The following OPA1 variants were observed in gnomAD, a reference collection of about 807,000 sequenced individuals.
The protein encoded by OPA1 is dynamin-like GTPase OPA1, mitochondrial.
OPA1 carries 59 observed loss-of-function variants against 152.9 expected under a neutral mutation model. The ratio of observed to expected loss-of-function variants is 0.39; its 90% confidence interval spans 0.31 to 0.48. The LOEUF (loss-of-function observed/expected upper bound fraction) is 0.48, where lower values mean the gene tolerates loss of function less well. Ranked by LOEUF, OPA1 falls within the 20% of genes least tolerant of loss-of-function variation. The pLI is 0.96. For missense variants in OPA1, 1,008 were observed against 1,216.8 expected (o/e 0.83, Z 2.55); for synonymous variants, 400 against 389.9 (o/e 1.03, Z -0.31).
intron 16 of OPA1, 126 bp downstream of exon 16, chr3:193,644,231 T>C: frequency 8.5e-7 from 1 of 1,170,908 alleles, no homozygotes; most frequent in Non-Finnish European, 1.2e-6. Context: ...TTTATTACAA[T>C]GAAAGGATAA....
chr3:193,646,766 C>G (rs1353529245), intron 18 of OPA1, among the ~76,000 whole-genome samples: 3 of 151,902 alleles, frequency 2.0e-5, no homozygotes. Flanking sequence ...GTGCAAGATT[C>G]CAATTCAAAA....
rs1397255802 is a variant in OPA1, at chr3:193,662,818, A to T, written c.2521-4A>T. The T allele has an allele frequency of 1.7e-5, 28 of 1,612,202 alleles. No homozygotes were observed. The highest frequency in any genetic ancestry group is 2.4e-5 in the Non-Finnish European group (28 of 1,178,688). ...AACACAGTCCTTTTTTAAACATTTTAAAGTGTGTTCACAATGAAACCAAGA... is the reference window on the plus strand; with the variant it reads ...AACACAGTCCTTTTTTAAACATTTTTAAGTGTGTTCACAATGAAACCAAGA... On this transcript the variant is annotated splice_polypyrimidine_tract_variant and splice_region_variant and intron_variant, in intron 25 of 30. Coordinates refer to ENST00000361510, the MANE Select transcript of OPA1 (RefSeq NM_130837.3).
chr3:193,688,455 T>C (rs1267318767), intron 29 of OPA1, among the ~76,000 whole-genome samples: 2 of 25,974 alleles, frequency 7.7e-5, no homozygotes, highest in African/African-American at 3.6e-4. Context: ...TTTTCTTTTT[T>C]TTTTTTTTTT....
chr3:193,675,327 GAAAAAAAAA>G lies in OPA1; in HGVS notation c.2983+8062_2983+8070del, dbSNP rs988338349. Among the ~76,000 whole-genome samples the G allele has an allele frequency of 6.2e-3, 392 of 63,402 alleles. 2 individuals are homozygous for G. The highest frequency in any genetic ancestry group is 0.033 in the South Asian group (72 of 2,204). The allele number at this position is 63,402 out of a possible 152,430, so 41.6% of individuals were successfully genotyped here. ...TTCAGAGGAGATTTTTTTTTTTTAA[GAAAAAAAAA>G]AAAAAAAAAAAAAACACCCAATCAA... On this transcript the variant is annotated intron_variant, in intron 29 of 30. Transcript: ENST00000361510.
At chr3:193,680,137 A>G (rs1448782472) in intron 29 of OPA1, among the ~76,000 whole-genome samples, 3 of 152,190 alleles carry the variant, frequency 2.0e-5, no homozygotes, top group African/African-American at 4.8e-5. Flanking sequence ...AATTTTATTA[A>G]AACCTACGAT....
intron 1 of OPA1, among the ~76,000 whole-genome samples, chr3:193,598,771 A>T (rs527557085): frequency 2.6e-5 from 4 of 152,354 alleles, no homozygotes; most frequent in Admixed American, 2.6e-4. Context: ...ATTTTAACCG[A>T]TTAAGAAACT....
In OPA1 at chr3:193,593,240, G is replaced by A; in HGVS notation, c.-138G>A. On this transcript the variant is annotated 5_prime_UTR_variant, in exon 1 of 31. Coordinates refer to ENST00000361510, the MANE Select transcript of OPA1 (RefSeq NM_130837.3). ...TGCGGAAGTCCATGCGCCATTGGGAGGGCCTCGGCCGCGGCTCTGTGCCCT... is the reference window on the plus strand; with the variant it reads ...TGCGGAAGTCCATGCGCCATTGGGAAGGCCTCGGCCGCGGCTCTGTGCCCT... 2.7e-6 allele frequency: 2 copies of A among 736,294 alleles called. No individual in the cohort carries two copies. The highest frequency in any genetic ancestry group is 4.2e-6 in the Non-Finnish European group (2 of 474,370). The allele number at this position is 736,294 out of a possible 1,614,324, so 45.6% of individuals were successfully genotyped here.
At chr3:193,627,780 T>C (rs1179705952) in intron 7 of OPA1, among the ~76,000 whole-genome samples, 1 of 152,194 alleles carries the variant, frequency 6.6e-6, no homozygotes, top group Non-Finnish European at 1.5e-5. Context: ...TAGTAGCCTT[T>C]ATTTGGGCTT....
chr3:193,617,344 A>C, intron 4 of OPA1, 59 bp downstream of exon 4: 3 of 976,542 alleles, frequency 3.1e-6, no homozygotes, highest in South Asian at 1.4e-5. Context: ...GGAAAAATAC[A>C]TGGATTATTT....
intron 29 of OPA1, 124 bp downstream of exon 29, chr3:193,667,404 C>G: frequency 1.4e-6 from 1 of 714,776 alleles, no homozygotes; most frequent in Non-Finnish European, 2.6e-6. Flanking sequence ...AGCACGGTGG[C>G]TCACGCTTGT....
At chr3:193,676,992 A>AC (rs1719232512) in intron 29 of OPA1, among the ~76,000 whole-genome samples, 1 of 151,176 alleles carries the variant, frequency 6.6e-6, no homozygotes, top group Admixed American at 6.6e-5. Flanking sequence ...AAAAAAAAAA[A>AC]AAAAAAAAAA....
intron 23 of OPA1, among the ~76,000 whole-genome samples, chr3:193,658,170 A>G (rs1335485450): frequency 1.3e-5 from 2 of 151,316 alleles, no homozygotes; most frequent in African/African-American, 4.8e-5. Flanking sequence ...GCTTGAACCC[A>G]GGAAGGGGAG....
chr3:193,597,502 C>T (rs976102604), intron 1 of OPA1, among the ~76,000 whole-genome samples: 16 of 151,770 alleles, frequency 1.1e-4, no homozygotes, highest in Non-Finnish European at 2.1e-4. Context: ...ACCAGCCTGG[C>T]CAACATGGTG....
chr3:193,606,142 C>G (rs1198747322), intron 1 of OPA1, among the ~76,000 whole-genome samples: 1 of 152,072 alleles, frequency 6.6e-6, no homozygotes, highest in Non-Finnish European at 1.5e-5. Context: ...AATCCCTTTT[C>G]CAGTGCCCTG....
intron 5 of OPA1, 167 bp from the exon 6 acceptor site, chr3:193,618,702 G>T: frequency 4.8e-6 from 3 of 630,926 alleles, no homozygotes; most frequent in Non-Finnish European, 8.5e-6. Flanking sequence ...TTTCTGCACA[G>T]GTTATCAGTC....
chr3:193,675,496 C>T (rs1718805853), intron 29 of OPA1, among the ~76,000 whole-genome samples: 1 of 151,886 alleles, frequency 6.6e-6, no homozygotes. Context: ...TTTAACACAT[C>T]TCGAGGCAAC....
rs367978746 is a variant in OPA1 at position 193,656,758 on chromosome 3, CAGTT to C, written c.2179-318_2179-315del. Reference sequence around the variant, plus strand: ...TGTAGGAATATGGGTATATCCTTCTCAGTTAGTCCAAGAGAAGCCGTAAATGCAG... The same window carrying C: ...TGTAGGAATATGGGTATATCCTTCTCAGTCCAAGAGAAGCCGTAAATGCAG... On this transcript the variant is annotated intron_variant, in intron 22 of 30. Transcript: ENST00000361510. 5.0e-3 allele frequency among the ~76,000 whole-genome samples: 765 copies of C among 152,208 alleles called. 3 individuals carry two copies. The highest frequency in any genetic ancestry group is 7.9e-3 in the Non-Finnish European group (535 of 68,010).
At chr3:193,601,468 G>T (rs1189100139) in intron 1 of OPA1, among the ~76,000 whole-genome samples, 1 of 152,176 alleles carries the variant, frequency 6.6e-6, no homozygotes, top group Non-Finnish European at 1.5e-5. Flanking sequence ...CTCAGGGGTT[G>T]GAAAAGGGGG....
intron 6 of OPA1, among the ~76,000 whole-genome samples, chr3:193,620,637 T>C (rs1467245525): frequency 1.3e-5 from 2 of 152,140 alleles, no homozygotes; most frequent in Non-Finnish European, 2.9e-5. Flanking sequence ...TTTTTAACTA[T>C]TTGTTACACA....
Sources: allele counts gnomAD v4.1 joint callset (sites outside exome capture counted in the v4.1 genomes callset), GRCh38; gene constraint gnomAD v4.1.1; transcripts MANE v1.5; gene names NCBI Gene and HGNC (gene_info 2026-07-23, HGNC 2026-07-21).